Variants in ZNF28 observed in about 807,000 individuals in gnomAD.
The protein encoded by ZNF28 is zinc finger protein 28, also known as zinc finger protein KOX24.
A neutral mutation model predicts 7.2 loss-of-function variants in ZNF28; 5 were observed. That is an observed-to-expected ratio of 0.70 (90% CI 0.36 to 1.46). The LOEUF (loss-of-function observed/expected upper bound fraction) is 1.46. Ranked by LOEUF, ZNF28 falls within the 40% of genes most tolerant of loss-of-function variation. ZNF28 has a pLI of 0.03. For missense variants in ZNF28, 879 were observed against 866.6 expected (o/e 1.01, Z -0.18); for synonymous variants, 288 against 292.4 (o/e 0.99, Z 0.15).
intron 2 of ZNF28, among the ~76,000 whole-genome samples, chr19:52,816,799 G>T (rs1047704686): frequency 6.6e-6 from 1 of 151,194 alleles, no homozygotes; most frequent in Non-Finnish European, 1.5e-5. Flanking sequence ...CCACTGCACT[G>T]CAGCCTGGGC....
rs2062837345 is a variant in ZNF28, at chr19:52,799,760, C to A, written c.2085G>T (p.Glu695Asp). Residue 695 changes from glutamate to aspartate, a missense_variant, in exon 4 of 4, where the codon GAG becomes GAT. Transcript: ENST00000457749. The stretch of plus-strand genomic sequence containing the variant: ...ACATCTGACTGAAGGTCTTGCCACA[C>A]TCATTACACTTGTAAGGTTTCTCTC... ...HTGEKPYKCNECGKTFSQMSN... is the reference protein window; with the variant it reads ...HTGEKPYKCNDCGKTFSQMSN... 2.5e-6 allele frequency: 4 copies of A among 1,613,594 alleles called. No individual in the cohort carries two copies. The highest frequency in any genetic ancestry group is 3.4e-6 in the Non-Finnish European group (4 of 1,179,922).
chr19:52,817,807 A>C, intron 2 of ZNF28, 137 bp downstream of exon 2: 1 of 1,544,250 alleles, frequency 6.5e-7, no homozygotes, highest in Non-Finnish European at 8.8e-7. Flanking sequence ...AGATGAGATG[A>C]ACTGAAGGAA....
At chr19:52,803,714 C>T (rs955790750) in intron 3 of ZNF28, among the ~76,000 whole-genome samples, 1 of 152,096 alleles carries the variant, frequency 6.6e-6, no homozygotes, top group Admixed American at 6.6e-5. Flanking sequence ...TGCCTGTAAT[C>T]CCAGCACTTT....
intron 1 of ZNF28, among the ~76,000 whole-genome samples, chr19:52,820,293 AT>A (rs2063179349): frequency 7.6e-6 from 1 of 131,494 alleles, no homozygotes; most frequent in Non-Finnish European, 1.6e-5. Flanking sequence ...AATTTTTTGT[AT>A]TTTTAGTAGA....
At chr19:52,809,817 G>A (rs1005786088) in intron 2 of ZNF28, 72 of 305,360 alleles carry the variant, frequency 2.4e-4, no homozygotes, top group African/African-American at 1.2e-3. Context: ...CAGTCTGAGC[G>A]GCGAAGGCGG....
At chr19:52,812,271 G>A (rs1357794076) in intron 2 of ZNF28, among the ~76,000 whole-genome samples, 1 of 139,782 alleles carries the variant, frequency 7.2e-6, no homozygotes, top group Non-Finnish European at 1.5e-5. Context: ...GGTGTGCCCA[G>A]CGGCTCATTG....
chr19:52,809,419 A>G (rs1475816616), intron 2 of ZNF28, among the ~76,000 whole-genome samples: 1 of 152,230 alleles, frequency 6.6e-6, no homozygotes, highest in Non-Finnish European at 1.5e-5. Context: ...AGGATGAAAT[A>G]TCGAACTAAA....
At chr19:52,811,116 GC>G (rs1157409992) in intron 2 of ZNF28, among the ~76,000 whole-genome samples, 1 of 150,250 alleles carries the variant, frequency 6.7e-6, no homozygotes, top group East Asian at 2.0e-4. Flanking sequence ...CTGGTCTCCA[GC>G]TCCTAACCAC....
At chr19:52,807,091 G>A (rs1962831) in intron 3 of ZNF28, among the ~76,000 whole-genome samples, 118,261 of 151,602 alleles carry the variant, frequency 0.78, 47,055 homozygotes, top group Non-Finnish European at 0.87. Context: ...TCTTACCTGC[G>A]TTTGCACCTG....
At chr19:52,812,965 A>G (rs1360962546) in intron 2 of ZNF28, among the ~76,000 whole-genome samples, 6 of 151,364 alleles carry the variant, frequency 4.0e-5, no homozygotes, top group African/African-American at 1.2e-4. Flanking sequence ...CTGAGCTTCA[A>G]TCCTTGAGGT....
In ZNF28 at chr19:52,819,697, T is replaced by C. The variant is rs564129023; in HGVS notation, c.-73-1666A>G. On this transcript the variant is annotated intron_variant, in intron 1 of 3. Transcript: ENST00000457749. Reference sequence around the variant, plus strand: ...TGGGGGCCTGGAAGGGCTAATGGGATGGACTGGTCTTATCATCCCATCCTT... The same window carrying C: ...TGGGGGCCTGGAAGGGCTAATGGGACGGACTGGTCTTATCATCCCATCCTT... Among the ~76,000 whole-genome samples, 13 of 142,466 alleles carry C rather than the reference T, an allele frequency of 9.1e-5. 1 individual carries two copies. The highest frequency in any genetic ancestry group is 3.2e-4 in the African/African-American group (11 of 34,528). The allele number at this position is 142,466 out of a possible 152,430, so 93.5% of individuals were successfully genotyped here. A position where few individuals can be genotyped will look rare whatever the true frequency, so the allele number is the denominator to read the frequency against.
intron 2 of ZNF28, among the ~76,000 whole-genome samples, chr19:52,809,233 T>A (rs2062979600): frequency 6.6e-6 from 1 of 152,186 alleles, no homozygotes; most frequent in East Asian, 1.9e-4. Flanking sequence ...CCTGGAGGAA[T>A]GTTCAGATAT....
chr19:52,810,140 C>T (rs1240503753), intron 2 of ZNF28: 12 of 893,800 alleles, frequency 1.3e-5, no homozygotes, highest in Non-Finnish European at 2.1e-5. Context: ...TCGAGGGTGA[C>T]CCGGGGCTGG....
Position 52,799,293 on chromosome 19 carries a change from C to G in ZNF28, c.*395G>C, listed in dbSNP as rs756931305. 1 of 428,232 alleles carries G rather than the reference C, an allele frequency of 2.3e-6. No homozygotes were observed. Among genetic ancestry groups the G allele is most frequent in the Admixed American group, 3.9e-5 (1 of 25,922 alleles). 26.5% of individuals were successfully genotyped at this position (428,232 alleles called of 1,614,324 possible). A position where few individuals can be genotyped will look rare whatever the true frequency, so the allele number is the denominator to read the frequency against. ...GTAAGGTTTCTCTCCAGTTTGAATTCTAATATGTTTTGCCAGGTATGAATT... is the reference window on the plus strand; with the variant it reads ...GTAAGGTTTCTCTCCAGTTTGAATTGTAATATGTTTTGCCAGGTATGAATT... On this transcript the variant is annotated 3_prime_UTR_variant, in exon 4 of 4. Coordinates refer to ENST00000457749, the MANE Select transcript of ZNF28 (RefSeq NM_006969.5).
At chr19:52,817,824 G>C (rs1234522235) in intron 2 of ZNF28, 120 bp downstream of exon 2, 6 of 1,560,572 alleles carry the variant, frequency 3.8e-6, no homozygotes, top group East Asian at 2.3e-5. Context: ...GGAAGGCATG[G>C]GTGAGGGTGA....
At position 52,800,244 on chromosome 19, in the gene ZNF28, G is replaced by T; in HGVS notation, c.1601C>A (p.Thr534Lys). 1 of 1,603,166 alleles carries T rather than the reference G, an allele frequency of 6.2e-7. No individual in the cohort carries two copies. Among genetic ancestry groups the T allele is most frequent in the East Asian group, 2.3e-5 (1 of 44,106 alleles). Residue 534 changes from threonine to lysine, a missense_variant, in exon 4 of 4, where the codon ACA becomes AAA. Physicochemically the swap from Thr to Lys is moderately conservative, Grantham distance 78. Around this residue, in one of 2 missense-constraint regions of ZNF28, gnomAD observed 864 missense variants for 830.2 expected, o/e 1.04. Coordinates refer to ENST00000457749, the MANE Select transcript of ZNF28 (RefSeq NM_006969.5). ...MCNECGKVFS[T>K]KANLACHHKL... Reference sequence around the variant, plus strand: ...ATGATGACATGCAAGGTTTGCTTTTGTACTAAAAACCTTGCCACATTCATT... The same window carrying T: ...ATGATGACATGCAAGGTTTGCTTTTTTACTAAAAACCTTGCCACATTCATT...
rs1345608467 is a variant in ZNF28 at position 52,818,886 on chromosome 19, A to G, written c.-73-855T>C. ...AGGACAGAATGAGAGTCTGTTTGGG[A>G]AAAAAAAAAAAAAAAAAAGTGCATT... On this transcript the variant is annotated intron_variant, in intron 1 of 3. Coordinates refer to ENST00000457749, the MANE Select transcript of ZNF28 (RefSeq NM_006969.5). Among the ~76,000 whole-genome samples, 13 of 23,982 alleles carry G rather than the reference A, an allele frequency of 5.4e-4. 2 individuals are homozygous for G. The highest frequency in any genetic ancestry group is 1.7e-3 in the Admixed American group (5 of 3,024). 15.7% of individuals were successfully genotyped at this position (23,982 alleles called of 152,430 possible).
intron 2 of ZNF28, chr19:52,810,755 GAA>G: frequency 2.1e-6 from 1 of 470,968 alleles, no homozygotes; most frequent in East Asian, 3.5e-5. Context: ...GAAAGAAGGG[GAA>G]AAAAAAAGAA....
chr19:52,803,982 T>G (rs1317723447), intron 3 of ZNF28, among the ~76,000 whole-genome samples: 1 of 152,156 alleles, frequency 6.6e-6, no homozygotes, highest in African/African-American at 2.4e-5. Context: ...GATAAATAAC[T>G]ACTTCTCAAA....
Sources: gnomAD v4.1 joint callset for allele counts (sites outside exome capture counted in the v4.1 genomes callset) on GRCh38, gnomAD v4.1.1 for gene constraint, gnomAD v4.1.1 regional missense constraint, MANE v1.5 for transcripts, NCBI Gene and HGNC (gene_info 2026-07-23, HGNC 2026-07-21) for gene names.